The following TPTE2 variants were observed in gnomAD, a reference collection of about 807,000 sequenced individuals.
The protein encoded by TPTE2 is phosphatidylinositol 3,4,5-trisphosphate 3-phosphatase TPTE2.
In TPTE2, 53 loss-of-function variants were observed where a neutral mutation model predicts 78.6. That is an observed-to-expected ratio of 0.67 (90% CI 0.54 to 0.85). The LOEUF (loss-of-function observed/expected upper bound fraction) is 0.85. Ranked by LOEUF, TPTE2 falls within the 40% of genes least tolerant of loss-of-function variation. The pLI, the probability that TPTE2 is intolerant of heterozygous loss-of-function variation, is 0.00. For missense variants in TPTE2, 461 were observed against 623.0 expected (o/e 0.74, Z 2.77); for synonymous variants, 175 against 206.2 (o/e 0.85, Z 1.30).
chr13:19,491,826 AAAT>A (rs1240867029), intron 3 of TPTE2, among the ~76,000 whole-genome samples: 3 of 152,106 alleles, frequency 2.0e-5, no homozygotes, highest in African/African-American at 7.2e-5. Context: ...TCATCTCAAA[AAAT>A]AATAATAATA....
chr13:19,526,137 A>C (rs1437174561), intron 1 of TPTE2, among the ~76,000 whole-genome samples: 1 of 152,180 alleles, frequency 6.6e-6, no homozygotes, highest in Non-Finnish European at 1.5e-5. Context: ...GTGATTTCTC[A>C]AAGAACTTGA....
intron 1 of TPTE2, among the ~76,000 whole-genome samples, chr13:19,519,727 A>G (rs1312040065): frequency 1.3e-5 from 2 of 152,078 alleles, no homozygotes; most frequent in African/African-American, 2.4e-5. Flanking sequence ...CTGCAACTTC[A>G]CTGTTCTTCT....
chr13:19,449,158 T>C (rs1421282393), intron 13 of TPTE2, among the ~76,000 whole-genome samples: 2 of 152,052 alleles, frequency 1.3e-5, no homozygotes, highest in African/African-American at 2.4e-5. Context: ...TGTGAAGATG[T>C]TGGTTTTTAC....
chr13:19,513,968 G>A (rs1869623886), intron 1 of TPTE2, among the ~76,000 whole-genome samples: 2 of 152,098 alleles, frequency 1.3e-5, no homozygotes, highest in African/African-American at 2.4e-5. Context: ...CCTGAGGCAG[G>A]GGCTCCATCC....
chr13:19,497,769 C>A (rs1169971737), intron 1 of TPTE2, among the ~76,000 whole-genome samples: 8 of 151,512 alleles, frequency 5.3e-5, no homozygotes, highest in Non-Finnish European at 1.2e-4. Flanking sequence ...GAACGCAGTT[C>A]CTCACCAGCA....
chr13:19,497,491 C>T lies in TPTE2; in HGVS notation c.12-3990G>A, dbSNP rs1411482901. Among the ~76,000 whole-genome samples the T allele has an allele frequency of 1.5e-4, 14 of 96,414 alleles. No homozygotes were observed. The South Asian group carries it at 3.8e-3, about 26-fold the overall frequency. 63.3% of individuals were successfully genotyped at this position (96,414 alleles called of 152,430 possible). ...CTGCCTCCTCAAGTGGGTCCCTGACCCCTGACCCCTGAGCAGCCTAACTGG... is the reference window on the plus strand; with the variant it reads ...CTGCCTCCTCAAGTGGGTCCCTGACTCCTGACCCCTGAGCAGCCTAACTGG... On this transcript the variant is annotated intron_variant, in intron 1 of 19. Transcript: ENST00000400230.
chr13:19,478,040 GA>G (rs1880081388), intron 4 of TPTE2, among the ~76,000 whole-genome samples: 1 of 152,264 alleles, frequency 6.6e-6, no homozygotes, highest in Admixed American at 6.5e-5. Flanking sequence ...GACTTACAGA[GA>G]AAAGATGGTA....
At chr13:19,472,936 C>A (rs528628892) in intron 6 of TPTE2, among the ~76,000 whole-genome samples, 2 of 152,336 alleles carry the variant, frequency 1.3e-5, no homozygotes, top group Admixed American at 6.5e-5. Context: ...CTCCTAAACT[C>A]TGTGGTTCTT....
the TPTE2 span, among the ~76,000 whole-genome samples, chr13:19,561,520 G>T: frequency 1.3e-5 from 2 of 152,140 alleles, no homozygotes; most frequent in Non-Finnish European, 1.5e-5. Flanking sequence ...GGAAGTAAGT[G>T]GGGAGAGCCA....
At chr13:19,537,967 C>T (rs1448576822), upstream of TPTE2, among the ~76,000 whole-genome samples, 2 of 152,116 alleles carry the variant, frequency 1.3e-5, no homozygotes, top group East Asian at 3.9e-4. Context: ...AAACATCCAT[C>T]AATAAGTAGA....
intron 1 of TPTE2, among the ~76,000 whole-genome samples, chr13:19,496,286 A>G (rs1295320470): frequency 6.6e-6 from 1 of 152,232 alleles, no homozygotes; most frequent in African/African-American, 2.4e-5. Context: ...ACTGCAACAC[A>G]TACTTCACAC....
intron 10 of TPTE2, chr13:19,458,774 C>A: frequency 2.5e-6 from 1 of 393,942 alleles, no homozygotes. Flanking sequence ...AGAAGCCAGA[C>A]ATCCCACTCT....
At chr13:19,444,692 T>G (rs1593358295) in intron 13 of TPTE2, among the ~76,000 whole-genome samples, 1 of 152,294 alleles carries the variant, frequency 6.6e-6, no homozygotes, top group East Asian at 1.9e-4. Flanking sequence ...ATTTGACTAG[T>G]TGATTCCCAA....
chr13:19,532,452 CAG>C (rs1389170248), intron 1 of TPTE2, among the ~76,000 whole-genome samples: 1 of 152,174 alleles, frequency 6.6e-6, no homozygotes, highest in Non-Finnish European at 1.5e-5. Context: ...AAGGATGCAA[CAG>C]TCAAGATGCC....
exon 7 of TPTE2, chr13:19,467,246 T>C: frequency 6.3e-7 from 1 of 1,589,626 alleles, no homozygotes; most frequent in Non-Finnish European, 8.5e-7. Context: ...CCTAAGCAAC[T>C]TAATGTCAAA....
At chr13:19,493,472 G>A (rs766750706) in exon 2 of TPTE2, 3 of 1,613,794 alleles carry the variant, frequency 1.9e-6, no homozygotes, top group Non-Finnish European at 2.5e-6. Context: ...TGCCTCCTCG[G>A]TTGTTCCTTT....
At chr13:19,439,118 T>G (rs1048592487) in intron 13 of TPTE2, among the ~76,000 whole-genome samples, 1 of 152,160 alleles carries the variant, frequency 6.6e-6, no homozygotes. Context: ...ACCCATCTTG[T>G]GCCCCCAATC....
intron 10 of TPTE2, among the ~76,000 whole-genome samples, chr13:19,461,306 A>G (rs1878871846): frequency 6.6e-6 from 1 of 152,152 alleles, no homozygotes; most frequent in Non-Finnish European, 1.5e-5. Context: ...TAACTGACAC[A>G]TAATACTTGT....
chr13:19,424,401 T>A (rs2137450678), intron 19 of TPTE2, among the ~76,000 whole-genome samples: 2 of 152,314 alleles, frequency 1.3e-5, no homozygotes, highest in East Asian at 3.9e-4. Flanking sequence ...CCCAATTCAG[T>A]TATTAGAAAG....
Sources: allele counts gnomAD v4.1 joint callset (sites outside exome capture counted in the v4.1 genomes callset), GRCh38; gene constraint gnomAD v4.1.1; transcripts MANE v1.5; gene names NCBI Gene and HGNC (gene_info 2026-07-23, HGNC 2026-07-21).